Variants in WASF1 observed in about 807,000 individuals in gnomAD.
The protein encoded by WASF1 is WASP family member 1.
WASF1 carries 7 observed loss-of-function variants against 50.5 expected under a neutral mutation model. The ratio of observed to expected loss-of-function variants is 0.14; its 90% confidence interval spans 0.08 to 0.26. The LOEUF is 0.26. Ranked by LOEUF, WASF1 falls within the 10% of genes least tolerant of loss-of-function variation. WASF1 has a pLI of 1.00. For missense variants in WASF1, 470 were observed against 694.7 expected (o/e 0.68, Z 3.64); for synonymous variants, 205 against 244.0 (o/e 0.84, Z 1.49).
At chr6:110,146,391 C>T (rs1775562618) in intron 3 of WASF1, among the ~76,000 whole-genome samples, 2 of 151,974 alleles carry the variant, frequency 1.3e-5, no homozygotes, top group Non-Finnish European at 1.5e-5. Flanking sequence ...TTAAATAGAG[C>T]TTTGCTCTTC....
At chr6:110,171,125 T>G (rs1313888017) in intron 2 of WASF1, among the ~76,000 whole-genome samples, 2 of 152,092 alleles carry the variant, frequency 1.3e-5, no homozygotes, top group African/African-American at 4.8e-5. Flanking sequence ...AACAGCAGAA[T>G]ACATGTTATT....
chr6:110,117,645 T>C (rs749186329), intron 4 of WASF1, among the ~76,000 whole-genome samples: 22 of 152,190 alleles, frequency 1.4e-4, no homozygotes, highest in Middle Eastern at 6.8e-3. Context: ...AGCATTCAAA[T>C]TCAGGAAATA....
chr6:110,170,966 G>A (rs186269859), intron 2 of WASF1, among the ~76,000 whole-genome samples: 2 of 152,152 alleles, frequency 1.3e-5, no homozygotes. Flanking sequence ...AACTACAAGG[G>A]GAAACATGAA....
chr6:110,145,921 G>A (rs1051982513), intron 3 of WASF1, among the ~76,000 whole-genome samples: 1 of 141,186 alleles, frequency 7.1e-6, no homozygotes, highest in Non-Finnish European at 1.5e-5. Flanking sequence ...TCATAGGTGG[G>A]AATTGAACAA....
chr6:110,121,024 A>G (rs1401483457), intron 4 of WASF1, among the ~76,000 whole-genome samples: 4 of 152,240 alleles, frequency 2.6e-5, no homozygotes, highest in Non-Finnish European at 5.9e-5. Context: ...TACACCGTAT[A>G]CAAAAATTAA....
At chr6:110,110,280 C>T (rs2114469470) in intron 5 of WASF1, among the ~76,000 whole-genome samples, 1 of 152,278 alleles carries the variant, frequency 6.6e-6, no homozygotes, top group South Asian at 2.1e-4. Flanking sequence ...TAATAAACAG[C>T]AGAGCCAGAA....
At chr6:110,162,198 A>G (rs1286308772) in intron 2 of WASF1, among the ~76,000 whole-genome samples, 1 of 151,474 alleles carries the variant, frequency 6.6e-6, no homozygotes, top group Non-Finnish European at 1.5e-5. Flanking sequence ...GACAGGTCCT[A>G]GAATATAGAC....
intron 4 of WASF1, among the ~76,000 whole-genome samples, chr6:110,119,542 T>C (rs987060916): frequency 1.3e-5 from 2 of 152,094 alleles, no homozygotes; most frequent in Non-Finnish European, 2.9e-5. Context: ...ATTGAGGCAA[T>C]ATTTAATAGC....
chr6:110,138,630 G>A (rs953822781), intron 3 of WASF1, among the ~76,000 whole-genome samples: 1 of 152,218 alleles, frequency 6.6e-6, no homozygotes, highest in Non-Finnish European at 1.5e-5. Context: ...GAGACCAGGA[G>A]TGGGTAGCTC....
Position 110,102,012 on chromosome 6 carries a change from T to G in WASF1, c.1098A>C (p.Pro366=). Reference sequence around the variant, plus strand: ...GAGGAGCTGGAGGTGGTGGTACTGCTGGAGCTTGCAAAGCAGTGGCTGGAG... The same window carrying G: ...GAGGAGCTGGAGGTGGTGGTACTGCGGGAGCTTGCAAAGCAGTGGCTGGAG... ...PPPPATALQA[P]AVPPPPAPLQ... The change falls in exon 10 of 11, where the codon CCA becomes CCC. Residue 366 remains proline, a synonymous_variant. Coordinates refer to ENST00000392589, the MANE Select transcript of WASF1 (RefSeq NM_003931.3). 2 of 1,556,196 alleles carry G rather than the reference T, an allele frequency of 1.3e-6. No homozygotes were observed. The highest frequency in any genetic ancestry group is 1.7e-6 in the Non-Finnish European group (2 of 1,153,640).
chr6:110,140,028 A>G (rs934404241), intron 3 of WASF1, among the ~76,000 whole-genome samples: 10 of 152,192 alleles, frequency 6.6e-5, no homozygotes, highest in Admixed American at 2.6e-4. Flanking sequence ...TAGAATATCT[A>G]AAGCATTGCT....
At chr6:110,116,650 T>C (rs1325198086) in intron 4 of WASF1, among the ~76,000 whole-genome samples, 4 of 152,336 alleles carry the variant, frequency 2.6e-5, no homozygotes, top group African/African-American at 4.8e-5. Context: ...CATCCTTGTC[T>C]GACAGCTCTG....
intron 4 of WASF1, among the ~76,000 whole-genome samples, chr6:110,115,931 T>C (rs1321827774): frequency 6.6e-6 from 1 of 152,172 alleles, no homozygotes; most frequent in African/African-American, 2.4e-5. Flanking sequence ...TGGCAAGGTA[T>C]GGATCTTGGA....
chr6:110,136,098 A>T (rs1405243990), intron 3 of WASF1, among the ~76,000 whole-genome samples: 1 of 151,506 alleles, frequency 6.6e-6, no homozygotes, highest in African/African-American at 2.4e-5. Flanking sequence ...GTTAGCCAGG[A>T]TGGTCTCGAT....
At chr6:110,112,885 T>G (rs1466653127) in intron 5 of WASF1, among the ~76,000 whole-genome samples, 3 of 142,152 alleles carry the variant, frequency 2.1e-5, no homozygotes, top group African/African-American at 8.0e-5. Flanking sequence ...AGTGACAGAG[T>G]GTCTGTCTCA....
At chr6:110,124,986 C>T (rs1449817055) in intron 4 of WASF1, among the ~76,000 whole-genome samples, 1 of 152,124 alleles carries the variant, frequency 6.6e-6, no homozygotes, top group Admixed American at 6.5e-5. Flanking sequence ...ATGTGGATCC[C>T]TGCAGTTTAC....
At chr6:110,105,069 A>C (rs533329319) in intron 8 of WASF1, among the ~76,000 whole-genome samples, 30 of 152,168 alleles carry the variant, frequency 2.0e-4, no homozygotes, top group Non-Finnish European at 3.2e-4. Flanking sequence ...ACAGTATTTC[A>C]AAAAAACCCC....
At position 110,100,622 on chromosome 6, in the gene WASF1, A is replaced by G. The variant is rs753073173; in HGVS notation, c.1580T>C (p.Ile527Thr). The change falls in exon 11 of 11, where the codon ATT (isoleucine) becomes ACT (threonine). Residue 527 changes from isoleucine to threonine, a missense_variant. This residue lies in a region of WASF1 where 36 missense variants were observed against 90.7 expected (regional missense o/e 0.40). Transcript: ENST00000392589. ...QREQEAKHER[I>T]ENDVATILSR... Reference sequence around the variant, plus strand: ...CAGGATGGTGGCAACATCGTTTTCAATGCGTTCATGCTTAGCTTCCTGTTC... The same window carrying G: ...CAGGATGGTGGCAACATCGTTTTCAGTGCGTTCATGCTTAGCTTCCTGTTC... The G allele has an allele frequency of 1.3e-5, 21 of 1,613,674 alleles. No homozygotes were observed. Among genetic ancestry groups the G allele is most frequent in the Non-Finnish European group, 1.7e-5 (20 of 1,179,898 alleles).
rs186545918 is a variant in WASF1, at chr6:110,107,777, A to G, written c.423-583T>C. On this transcript the variant is annotated intron_variant, in intron 6 of 10. Coordinates refer to ENST00000392589, the MANE Select transcript of WASF1 (RefSeq NM_003931.3). ...TGAAAGAACTTCAAAGAAAGGCTAAATAATTCCAGATTTTATTCTAAGTGG... is the reference window on the plus strand; with the variant it reads ...TGAAAGAACTTCAAAGAAAGGCTAAGTAATTCCAGATTTTATTCTAAGTGG... Among the ~76,000 whole-genome samples, 583 of 152,358 alleles carry G rather than the reference A, an allele frequency of 3.8e-3. 4 individuals are homozygous for G. Among genetic ancestry groups the G allele is most frequent in the Admixed American group, 6.5e-3 (100 of 15,302 alleles).
Sources: gnomAD v4.1 joint callset for allele counts (sites outside exome capture counted in the v4.1 genomes callset) on GRCh38, gnomAD v4.1.1 for gene constraint, gnomAD v4.1.1 regional missense constraint, MANE v1.5 for transcripts, NCBI Gene and HGNC (gene_info 2026-07-23, HGNC 2026-07-21) for gene names.